RBFOX1: variants seen among roughly 807,000 people sequenced by gnomAD.
RBFOX1 encodes RNA binding protein fox-1 homolog 1.
RBFOX1 carries 8 observed loss-of-function variants against 57.7 expected under a neutral mutation model. That is an observed-to-expected ratio of 0.14 (90% CI 0.08 to 0.25). The LOEUF (loss-of-function observed/expected upper bound fraction) is 0.25. Among genes scored for constraint, RBFOX1 ranks in the 10% least tolerant of loss-of-function variants. The probability of loss-of-function intolerance (pLI) is 1.00; values close to 1 mark genes in which losing one functional copy is unlikely to be tolerated. For synonymous variants in RBFOX1, 326 were observed against 222.4 expected (o/e 1.47, Z -4.15); for missense variants, 611 against 548.5 (o/e 1.11, Z -1.14).
intron 2 of RBFOX1, among the ~76,000 whole-genome samples, chr16:6,502,106 C>T (rs191243815): frequency 3.9e-5 from 6 of 152,212 alleles, no homozygotes; most frequent in South Asian, 2.1e-4. Context: ...AGAATATTAC[C>T]CAACTGGAAC....
At chr16:6,409,025 C>G (rs181708859) in intron 2 of RBFOX1, among the ~76,000 whole-genome samples, 87 of 152,308 alleles carry the variant, frequency 5.7e-4, no homozygotes, top group African/African-American at 2.0e-3. Context: ...AAGCCTAACA[C>G]ATATTTGACA....
At chr16:5,339,671 G>C (rs1242198260) in intron 1 of RBFOX1, among the ~76,000 whole-genome samples, 2 of 151,676 alleles carry the variant, frequency 1.3e-5, no homozygotes, top group African/African-American at 4.8e-5. Flanking sequence ...TAGAGATGGA[G>C]TTTCACTGTG....
At chr16:7,353,322 G>A (rs2097160349) in intron 4 of RBFOX1, among the ~76,000 whole-genome samples, 1 of 152,154 alleles carries the variant, frequency 6.6e-6, no homozygotes, top group Non-Finnish European at 1.5e-5. Context: ...AGAAGTGTCA[G>A]CAAAGATGCG....
chr16:5,776,915 G>A (rs938116782), intron 3 of RBFOX1, among the ~76,000 whole-genome samples: 12 of 152,306 alleles, frequency 7.9e-5, no homozygotes, highest in African/African-American at 2.6e-4. Context: ...TACTGAGCAC[G>A]TGAAATATGG....
intron 3 of RBFOX1, among the ~76,000 whole-genome samples, chr16:7,024,437 A>G (rs901472595): frequency 6.6e-6 from 1 of 152,196 alleles, no homozygotes; most frequent in African/African-American, 2.4e-5. Context: ...ACATTAAAAC[A>G]TAATCTACCA....
Position 7,015,740 on chromosome 16 carries a change from T to C in RBFOX1, c.-15-36317T>C. 1.3e-5 allele frequency among the ~76,000 whole-genome samples: 2 copies of C among 152,178 alleles called. 1 individual carries two copies. Among genetic ancestry groups the C allele is most frequent in the Admixed American group, 1.3e-4 (2 of 15,280 alleles). On this transcript the variant is annotated intron_variant, in intron 3 of 15. Coordinates refer to ENST00000550418, the MANE Select transcript of RBFOX1 (RefSeq NM_018723.4). ...TTATGTTCCATTCCATTCCCAATAATTCATTTTAATAACATTTTCTTTTTT... is the reference window on the plus strand; with the variant it reads ...TTATGTTCCATTCCATTCCCAATAACTCATTTTAATAACATTTTCTTTTTT...
intron 3 of RBFOX1, among the ~76,000 whole-genome samples, chr16:6,830,737 C>G (rs1388006776): frequency 6.6e-6 from 1 of 152,178 alleles, no homozygotes; most frequent in Non-Finnish European, 1.5e-5. Context: ...TGGTTCTCTA[C>G]TCTTTGCATT....
At chr16:6,799,105 C>G (rs1465112252) in intron 3 of RBFOX1, among the ~76,000 whole-genome samples, 1 of 151,936 alleles carries the variant, frequency 6.6e-6, no homozygotes, top group Admixed American at 6.6e-5. Context: ...CGGTGACTAG[C>G]TGATGCAGGT....
chr16:7,104,520 C>T lies in RBFOX1; in HGVS notation c.27+52422C>T, dbSNP rs147070457. Among the ~76,000 whole-genome samples the T allele has an allele frequency of 4.7e-3, 713 of 152,206 alleles. 2 individuals carry two copies. Among genetic ancestry groups the T allele is most frequent in the African/African-American group, 0.016 (663 of 41,538 alleles). ...CTATTCAAGATCCTGACTTTAAAAGCAATGGCTTACCTAAGATTACGCAAA... is the reference window on the plus strand; with the variant it reads ...CTATTCAAGATCCTGACTTTAAAAGTAATGGCTTACCTAAGATTACGCAAA... On this transcript the variant is annotated intron_variant, in intron 4 of 15. Transcript: ENST00000550418.
chr16:7,539,667 C>T (rs531552957), intron 5 of RBFOX1, among the ~76,000 whole-genome samples: 6 of 152,200 alleles, frequency 3.9e-5, no homozygotes, highest in South Asian at 4.2e-4. Flanking sequence ...ATAAGGATAC[C>T]GAGACTGTTT....
At chr16:5,978,394 C>G (rs2060109006) in intron 4 of RBFOX1, among the ~76,000 whole-genome samples, 1 of 152,012 alleles carries the variant, frequency 6.6e-6, no homozygotes, top group African/African-American at 2.4e-5. Flanking sequence ...GAAATGTTTC[C>G]AAGTTAGCAC....
At chr16:5,446,752 C>T (rs1009735287) in intron 1 of RBFOX1, among the ~76,000 whole-genome samples, 4 of 152,102 alleles carry the variant, frequency 2.6e-5, no homozygotes, top group Admixed American at 2.0e-4. Flanking sequence ...CTTCAAGTCC[C>T]TCCTCCTGTC....
At chr16:7,032,908 T>C (rs941952530) in intron 3 of RBFOX1, among the ~76,000 whole-genome samples, 7 of 152,180 alleles carry the variant, frequency 4.6e-5, no homozygotes, top group Non-Finnish European at 1.0e-4. Flanking sequence ...GTCTCTCTTT[T>C]GGGAAGGAGG....
chr16:6,705,333 A>T (rs887306040), intron 3 of RBFOX1: 3 of 152,282 alleles, frequency 2.0e-5, no homozygotes, highest in African/African-American at 7.2e-5. Flanking sequence ...AGAGCGATCC[A>T]TGGCATGATG....
chr16:5,566,649 T>C (rs1241414849), intron 2 of RBFOX1, among the ~76,000 whole-genome samples: 1 of 135,680 alleles, frequency 7.4e-6, no homozygotes, highest in African/African-American at 2.9e-5. Context: ...TGTGTGTATA[T>C]ATGTGTATAT....
rs144406127 is a variant in RBFOX1, at chr16:7,185,818, C to T, written c.27+133720C>T. Among the ~76,000 whole-genome samples, 400 of 152,282 alleles carry T rather than the reference C, an allele frequency of 2.6e-3. 1 individual carries two copies. Among genetic ancestry groups the T allele is most frequent in the African/African-American group, 9.0e-3 (375 of 41,558 alleles). ...AAGATCTGAGCATCAGTCAGACTCTCAGGTACTTGATGAACAAGAGTGATT... is the reference window on the plus strand; with the variant it reads ...AAGATCTGAGCATCAGTCAGACTCTTAGGTACTTGATGAACAAGAGTGATT... On this transcript the variant is annotated intron_variant, in intron 4 of 15. Coordinates refer to ENST00000550418, the MANE Select transcript of RBFOX1 (RefSeq NM_018723.4).
intron 4 of RBFOX1, among the ~76,000 whole-genome samples, chr16:7,274,304 C>G (rs1296081997): frequency 6.6e-6 from 1 of 152,138 alleles, no homozygotes; most frequent in African/African-American, 2.4e-5. Context: ...AAAGGAGGTA[C>G]GCTTTGTTAT....
At position 7,119,993 on chromosome 16, in the gene RBFOX1, A is replaced by G. The variant is rs116065125; in HGVS notation, c.27+67895A>G. On this transcript the variant is annotated intron_variant, in intron 4 of 15. Coordinates refer to ENST00000550418, the MANE Select transcript of RBFOX1 (RefSeq NM_018723.4). ...AAATTTAAAATAATTGAAATCATATAGTTGCTTTCCTCTGACAAAATTGAG... is the reference window on the plus strand; with the variant it reads ...AAATTTAAAATAATTGAAATCATATGGTTGCTTTCCTCTGACAAAATTGAG... Among the ~76,000 whole-genome samples, 842 of 152,078 alleles carry G rather than the reference A, an allele frequency of 5.5e-3. 6 individuals carry two copies. Among genetic ancestry groups the G allele is most frequent in the African/African-American group, 0.02 (813 of 41,534 alleles).
rs140355775 is a variant in RBFOX1, at chr16:5,677,580, A to C, written c.318+78619A>C. Among the ~76,000 whole-genome samples the C allele has an allele frequency of 2.4e-3, 368 of 152,352 alleles. 2 individuals are homozygous for C. Among genetic ancestry groups the C allele is most frequent in the Middle Eastern group, 0.024 (7 of 294 alleles). On this transcript the variant is annotated intron_variant, in intron 3 of 19. Coordinates refer to the RBFOX1 transcript ENST00000641259. ...CCGGACCAATCCATATTAAACATTT[A>C]TGAATGAGACACTAGATTAACTTCT... is the stretch of plus-strand genomic sequence containing the variant.
Sources: allele counts gnomAD v4.1 joint callset (sites outside exome capture counted in the v4.1 genomes callset), GRCh38; gene constraint gnomAD v4.1.1; transcripts MANE v1.5; gene names NCBI Gene and HGNC (gene_info 2026-07-23, HGNC 2026-07-21).